MKLN1: variants seen among roughly 807,000 people sequenced by gnomAD.
MKLN1 encodes muskelin.
A neutral mutation model predicts 99.0 loss-of-function variants in MKLN1; 18 were observed. The observed-to-expected ratio is 0.18, with a 90% confidence interval of 0.13 to 0.27. The LOEUF (loss-of-function observed/expected upper bound fraction) is 0.27, where lower values mean the gene tolerates loss of function less well. MKLN1 is among the 10% of genes least tolerant of loss of function. The pLI is 1.00. For synonymous variants in MKLN1, 288 were observed against 293.2 expected (o/e 0.98, Z 0.18); for missense variants, 621 against 875.9 (o/e 0.71, Z 3.67).
intron 12 of MKLN1, among the ~76,000 whole-genome samples, chr7:131,457,735 T>C (rs1268507091): frequency 6.6e-6 from 1 of 152,002 alleles, no homozygotes; most frequent in African/African-American, 2.4e-5. Context: ...GACCAACATA[T>C]TGAAATGCTG....
At chr7:131,268,109 G>T (rs1180433473) in intron 3 of MKLN1, among the ~76,000 whole-genome samples, 1 of 152,180 alleles carries the variant, frequency 6.6e-6, no homozygotes, top group Non-Finnish European at 1.5e-5. Context: ...GAACTAGTTT[G>T]GAGATGGTTA....
At chr7:131,436,814 C>T (rs2116468562) in intron 9 of MKLN1, among the ~76,000 whole-genome samples, 1 of 152,252 alleles carries the variant, frequency 6.6e-6, no homozygotes, top group Non-Finnish European at 1.5e-5. Flanking sequence ...TCCTGTGATA[C>T]AAGTGATACC....
At chr7:131,221,945 G>A (rs1192674838) in intron 3 of MKLN1, among the ~76,000 whole-genome samples, 8 of 151,870 alleles carry the variant, frequency 5.3e-5, no homozygotes, top group Admixed American at 1.3e-4. Flanking sequence ...TTGCTCTGTC[G>A]CCCAGGCTGG....
intron 3 of MKLN1, among the ~76,000 whole-genome samples, chr7:131,215,882 G>T (rs1796973967): frequency 6.6e-6 from 1 of 151,984 alleles, no homozygotes; most frequent in Non-Finnish European, 1.5e-5. Flanking sequence ...AGCCTAACAA[G>T]CCAGTTTGTT....
rs1419236818 is a variant in MKLN1, at chr7:131,488,436, A to ATT, written c.*711_*712dup. The ATT allele has an allele frequency of 6.6e-6, 1 of 152,558 alleles. No homozygotes were observed. The highest frequency in any genetic ancestry group is 1.5e-5 in the Non-Finnish European group (1 of 68,002). The allele number at this position is 152,558 out of a possible 1,614,324, so 9.5% of individuals were successfully genotyped here. A position where few individuals can be genotyped will look rare whatever the true frequency, so the allele number is the denominator to read the frequency against. On this transcript the variant is annotated 3_prime_UTR_variant, in exon 18 of 18. Coordinates refer to ENST00000352689, the MANE Select transcript of MKLN1 (RefSeq NM_013255.5). ...GTATATAATATTTCTATAATGATAT[A>ATT]TTTTATAGTAGATATTACAATAGCA...
At chr7:131,438,906 AT>A (rs988320658) in intron 10 of MKLN1, among the ~76,000 whole-genome samples, 1 of 152,070 alleles carries the variant, frequency 6.6e-6, no homozygotes, top group African/African-American at 2.4e-5. Context: ...GTCTTTATAG[AT>A]TTTTGTTAAT....
chr7:131,117,882 C>A (rs1181842801), intron 1 of MKLN1, among the ~76,000 whole-genome samples: 2 of 152,198 alleles, frequency 1.3e-5, no homozygotes, highest in Non-Finnish European at 2.9e-5. Context: ...TAGTTGACTT[C>A]TCTCCCAAGA....
intron 1 of MKLN1, among the ~76,000 whole-genome samples, chr7:131,330,988 A>G (rs1464064457): frequency 6.6e-6 from 1 of 152,164 alleles, no homozygotes; most frequent in East Asian, 1.9e-4. Flanking sequence ...AAATACACTT[A>G]TTTAAATAAT....
chr7:131,126,960 G>A (rs1795471011), intron 1 of MKLN1, among the ~76,000 whole-genome samples: 1 of 152,266 alleles, frequency 6.6e-6, no homozygotes, highest in South Asian at 2.1e-4. Flanking sequence ...AAGGTTGGTA[G>A]TTTGAGACCA....
chr7:131,321,577 A>T (rs942678414), intron 3 of MKLN1, among the ~76,000 whole-genome samples: 4 of 152,226 alleles, frequency 2.6e-5, no homozygotes, highest in Non-Finnish European at 5.9e-5. Flanking sequence ...CGCAGAATTT[A>T]AAGTAAAATT....
At chr7:131,290,247 G>A (rs1401615402) in intron 3 of MKLN1, among the ~76,000 whole-genome samples, 3 of 152,220 alleles carry the variant, frequency 2.0e-5, no homozygotes, top group Non-Finnish European at 2.9e-5. Flanking sequence ...AGAGGTTGCA[G>A]TGAGCCGAGA....
At chr7:131,446,728 ATTTG>A (rs893761972) in intron 12 of MKLN1, among the ~76,000 whole-genome samples, 1 of 152,228 alleles carries the variant, frequency 6.6e-6, no homozygotes, top group African/African-American at 2.4e-5. Flanking sequence ...AAATTAAAAT[ATTTG>A]TTCACATTTA....
intron 6 of MKLN1, among the ~76,000 whole-genome samples, chr7:131,401,338 T>G (rs1289063094): frequency 6.6e-6 from 1 of 152,230 alleles, no homozygotes; most frequent in East Asian, 1.9e-4. Flanking sequence ...TAATTGCTAC[T>G]ACCTCTTTGC....
intron 6 of MKLN1, among the ~76,000 whole-genome samples, chr7:131,409,406 A>AT (rs1194358920): frequency 2.6e-5 from 4 of 152,316 alleles, no homozygotes; most frequent in South Asian, 2.1e-4. Flanking sequence ...AAAGCAATGC[A>AT]TTTTTTTAAC....
At chr7:131,399,068 T>C (rs1794448031) in intron 5 of MKLN1, among the ~76,000 whole-genome samples, 173 bp from the exon 6 acceptor site, 1 of 152,246 alleles carries the variant, frequency 6.6e-6, no homozygotes, top group Non-Finnish European at 1.5e-5. Context: ...GCTTTAGTTT[T>C]GCTAGTTAAA....
At chr7:131,470,773 C>A in intron 15 of MKLN1, 69 bp from the exon 16 acceptor site, 2 of 1,007,308 alleles carry the variant, frequency 2.0e-6, no homozygotes, top group Non-Finnish European at 3.1e-6. Context: ...GTATTTTATT[C>A]CAGGTCTGAA....
At chr7:131,132,992 A>G (rs1425375530) in intron 1 of MKLN1, among the ~76,000 whole-genome samples, 1 of 149,782 alleles carries the variant, frequency 6.7e-6, no homozygotes, top group Admixed American at 6.7e-5. Flanking sequence ...AAACCAGAGC[A>G]TGACTGTGCC....
chr7:131,374,278 C>A (rs940447799), intron 1 of MKLN1, among the ~76,000 whole-genome samples: 1 of 151,992 alleles, frequency 6.6e-6, no homozygotes, highest in African/African-American at 2.4e-5. Flanking sequence ...TGTGGAAATA[C>A]CAGGGTGCGG....
At chr7:131,154,035 ATG>A (rs1795929703) in intron 2 of MKLN1, among the ~76,000 whole-genome samples, 2 of 152,184 alleles carry the variant, frequency 1.3e-5, no homozygotes, top group Admixed American at 1.3e-4. Flanking sequence ...GGGGGGAGGA[ATG>A]TGAGTCTACG....
Sources: allele counts gnomAD v4.1 joint callset (sites outside exome capture counted in the v4.1 genomes callset), GRCh38; gene constraint gnomAD v4.1.1; transcripts MANE v1.5; gene names NCBI Gene and HGNC (gene_info 2026-07-23, HGNC 2026-07-21).